The following TNFAIP8 variants were observed in gnomAD, a reference collection of about 807,000 sequenced individuals.
TNFAIP8 encodes tumor necrosis factor alpha-induced protein 8.
Under a neutral mutation model 13.3 loss-of-function variants are expected in TNFAIP8, and 7 were observed. The ratio of observed to expected loss-of-function variants is 0.52; its 90% CI spans 0.30 to 0.99. The LOEUF (loss-of-function observed/expected upper bound fraction) is 0.99, where lower values mean the gene tolerates loss of function less well. TNFAIP8 is among the 50% of genes least tolerant of loss of function. TNFAIP8 has a pLI of 0.07. For synonymous variants in TNFAIP8, 94 were observed against 87.6 expected (o/e 1.07, Z -0.41); for missense variants, 258 against 236.9 (o/e 1.09, Z -0.58).
At chr5:119,275,036 GGAAAGAGCTCTT>G (rs1207387562) in intron 1 of TNFAIP8, among the ~76,000 whole-genome samples, 1 of 148,106 alleles carries the variant, frequency 6.8e-6, no homozygotes, top group Non-Finnish European at 1.5e-5. Flanking sequence ...TTTTGGCAGT[GGAAAGAGCTCTT>G]GAAAGTACAG....
upstream of TNFAIP8, chr5:119,355,471 C>G (rs1376504508): frequency 1.5e-6 from 1 of 653,676 alleles, no homozygotes; most frequent in South Asian, 1.6e-5. Context: ...TAAGCTGGTC[C>G]TTGCAACCCC....
chr5:119,317,785 C>T (rs765379334), intron 1 of TNFAIP8, among the ~76,000 whole-genome samples: 30 of 151,972 alleles, frequency 2.0e-4, no homozygotes, highest in Admixed American at 7.2e-4. Flanking sequence ...TTCGTAGAGA[C>T]GGGGGTTTCA....
At position 119,396,111 on chromosome 5, in the gene TNFAIP8, G is replaced by A. The variant is rs144070391; in HGVS notation, c.*2730G>A. On this transcript the variant is annotated 3_prime_UTR_variant, in exon 2 of 2. Coordinates refer to ENST00000504771, the MANE Select transcript of TNFAIP8 (RefSeq NM_014350.4). Reference sequence around the variant, plus strand: ...GTTAAGGAATTTCCTGAGGTCACATGTGCTCGAGGTGTCCCAGCCGGAATA... The same window carrying A: ...GTTAAGGAATTTCCTGAGGTCACATATGCTCGAGGTGTCCCAGCCGGAATA... The A allele has an allele frequency of 6.8e-4, 103 of 152,318 alleles. No individual in the cohort carries two copies. Among genetic ancestry groups the A allele is most frequent in the African/African-American group, 2.4e-3 (100 of 41,568 alleles). The allele number at this position is 152,318 out of a possible 1,614,324, so 9.4% of individuals were successfully genotyped here.
chr5:119,360,613 G>T (rs889898488), intron 1 of TNFAIP8, among the ~76,000 whole-genome samples: 4 of 152,144 alleles, frequency 2.6e-5, no homozygotes, highest in Admixed American at 6.5e-5. Flanking sequence ...TAGAGGTGAG[G>T]CACTGAGGCC....
intron 1 of TNFAIP8, among the ~76,000 whole-genome samples, chr5:119,344,421 G>T (rs1424190333): frequency 6.6e-6 from 1 of 152,086 alleles, no homozygotes; most frequent in Non-Finnish European, 1.5e-5. Flanking sequence ...CTCCTATCAG[G>T]CCCCACCTCC....
At chr5:119,357,110 T>C (rs1474413007) in intron 1 of TNFAIP8, among the ~76,000 whole-genome samples, 4 of 152,224 alleles carry the variant, frequency 2.6e-5, no homozygotes, top group African/African-American at 9.6e-5. Flanking sequence ...CTTGTCCTCT[T>C]CTGCCTTTTA....
intron 1 of TNFAIP8, among the ~76,000 whole-genome samples, chr5:119,286,583 C>T (rs1348948168): frequency 1.3e-5 from 2 of 151,380 alleles, no homozygotes; most frequent in Non-Finnish European, 2.9e-5. Flanking sequence ...GAATGAGCCC[C>T]TGTGCTCCAG....
intron 1 of TNFAIP8, among the ~76,000 whole-genome samples, chr5:119,283,032 T>A (rs1476795064): frequency 6.6e-6 from 1 of 152,224 alleles, no homozygotes; most frequent in Non-Finnish European, 1.5e-5. Flanking sequence ...TACATTTCAT[T>A]TATCTGCCTG....
intron 1 of TNFAIP8, among the ~76,000 whole-genome samples, chr5:119,272,788 C>T (rs1748328119): frequency 6.6e-6 from 1 of 152,086 alleles, no homozygotes; most frequent in South Asian, 2.1e-4. Flanking sequence ...TGGGTGTGTG[C>T]CAAAAAGGTT....
intron 1 of TNFAIP8, among the ~76,000 whole-genome samples, chr5:119,298,045 C>T (rs886572146): frequency 6.6e-6 from 1 of 152,194 alleles, no homozygotes; most frequent in African/African-American, 2.4e-5. Flanking sequence ...ACTGATGGGT[C>T]TTGACTCTTT....
rs1752954388 is a variant in TNFAIP8 at position 119,392,947 on chromosome 5, T to C, written c.163T>C (p.Tyr55His). ...DTSSEVLDELYRVTREYTQNK... is the reference protein window; with the variant it reads ...DTSSEVLDELHRVTREYTQNK... ...AAGTAGTGAGGTGCTGGATGAGCTC[T>C]ACAGAGTGACCAGGGAGTACACCCA... The change falls in exon 2 of 2, where the codon TAC (tyrosine) becomes CAC (histidine). Residue 55 changes from tyrosine to histidine, a missense_variant. Tyr to His is a moderately conservative substitution (Grantham distance 83). Transcript: ENST00000504771. 6.2e-7 allele frequency: 1 copy of C among 1,610,242 alleles called. No homozygotes were observed. Among genetic ancestry groups the C allele is most frequent in the Non-Finnish European group, 8.5e-7 (1 of 1,178,246 alleles).
intron 1 of TNFAIP8, among the ~76,000 whole-genome samples, chr5:119,381,156 C>T (rs188375878): frequency 2.0e-5 from 3 of 152,314 alleles, no homozygotes; most frequent in South Asian, 2.1e-4. Context: ...AGGCCTCCGG[C>T]GCTTCTGTGG....
chr5:119,276,560 C>T (rs907354060), intron 1 of TNFAIP8, among the ~76,000 whole-genome samples: 1 of 152,162 alleles, frequency 6.6e-6, no homozygotes, highest in Non-Finnish European at 1.5e-5. Context: ...GTTCTGGAGA[C>T]TGGAAGTTCA....
chr5:119,286,194 A>G (rs771621741), intron 1 of TNFAIP8, among the ~76,000 whole-genome samples: 4 of 152,150 alleles, frequency 2.6e-5, no homozygotes, highest in Non-Finnish European at 5.9e-5. Context: ...ATTGTCTGGA[A>G]ACTCTTCAGG....
At chr5:119,380,735 T>G (rs1263828127) in intron 1 of TNFAIP8, among the ~76,000 whole-genome samples, 5 of 152,266 alleles carry the variant, frequency 3.3e-5, no homozygotes, top group Non-Finnish European at 7.3e-5. Context: ...AAAGCCATTT[T>G]GTAGCCTAGC....
chr5:119,355,127 G>A (rs1426631132), upstream of TNFAIP8: 5 of 576,052 alleles, frequency 8.7e-6, no homozygotes, highest in South Asian at 3.9e-5. Context: ...GGCCAGACCC[G>A]GGGGCAGAAT....
chr5:119,316,986 A>G (rs907580986), intron 1 of TNFAIP8, among the ~76,000 whole-genome samples: 1 of 152,192 alleles, frequency 6.6e-6, no homozygotes, highest in East Asian at 1.9e-4. Flanking sequence ...GCTGAGAAAC[A>G]ATGTTCTAGA....
intron 1 of TNFAIP8, among the ~76,000 whole-genome samples, chr5:119,349,316 C>T (rs17145248): frequency 0.2 from 30,793 of 152,190 alleles, 3,284 homozygotes; most frequent in Non-Finnish European, 0.22. Flanking sequence ...AGGGGAACCT[C>T]ATGATTTTCA....
At chr5:119,351,910 C>G (rs1581632631), upstream of TNFAIP8, among the ~76,000 whole-genome samples, 1 of 151,896 alleles carries the variant, frequency 6.6e-6, no homozygotes, top group East Asian at 1.9e-4. Context: ...CTGCCTCAGC[C>G]TCACAAGTAG....
Sources: gnomAD v4.1 joint callset for allele counts (sites outside exome capture counted in the v4.1 genomes callset) on GRCh38, gnomAD v4.1.1 for gene constraint, MANE v1.5 for transcripts, NCBI Gene and HGNC (gene_info 2026-07-23, HGNC 2026-07-21) for gene names.